Variants in BNC2 observed in about 807,000 individuals in gnomAD.
The protein encoded by BNC2 is zinc finger protein basonuclin-2.
A neutral mutation model predicts 76.3 loss-of-function variants in BNC2; 20 were observed. The observed-to-expected ratio is 0.26, with a 90% CI of 0.18 to 0.38. The LOEUF is 0.38. Ranked by LOEUF, BNC2 falls within the 10% of genes least tolerant of loss-of-function variation. The probability of loss-of-function intolerance (pLI) is 1.00; values close to 1 mark genes in which losing one functional copy is unlikely to be tolerated. For synonymous variants in BNC2, 582 were observed against 514.8 expected (o/e 1.13, Z -1.77); for missense variants, 1,382 against 1,399.8 (o/e 0.99, Z 0.20).
intron 5 of BNC2, among the ~76,000 whole-genome samples, chr9:16,546,906 A>T (rs1818500593): frequency 1.3e-5 from 2 of 152,228 alleles, no homozygotes; most frequent in Admixed American, 1.3e-4. Flanking sequence ...TCAAACTTCA[A>T]AACATCCTCC....
intron 3 of BNC2, among the ~76,000 whole-genome samples, chr9:16,655,650 C>G (rs1821909806): frequency 6.6e-6 from 1 of 152,182 alleles, no homozygotes; most frequent in Non-Finnish European, 1.5e-5. Context: ...TGAAATAATT[C>G]TAACAAAAGA....
intron 3 of BNC2, among the ~76,000 whole-genome samples, chr9:16,612,076 A>T (rs1374001345): frequency 6.6e-6 from 1 of 151,402 alleles, no homozygotes; most frequent in Non-Finnish European, 1.5e-5. Context: ...ACTAGAAAAC[A>T]GAAGCAAAAA....
At position 16,548,405 on chromosome 9, in the gene BNC2, G is replaced by GT. The variant is rs201084701; in HGVS notation, c.669+4124dup. Reference sequence around the variant, plus strand: ...AGAATTCTTCTTCTTCTTCTTCTTCGTTTTTTTTTTTTTCTTTCGAGATGG... The same window carrying GT: ...AGAATTCTTCTTCTTCTTCTTCTTCGTTTTTTTTTTTTTTCTTTCGAGATGG... On this transcript the variant is annotated intron_variant, in intron 5 of 6. Transcript: ENST00000380672. Among the ~76,000 whole-genome samples the GT allele has an allele frequency of 2.7e-3, 389 of 143,672 alleles. 2 individuals are homozygous for GT. The highest frequency in any genetic ancestry group is 4.5e-3 in the East Asian group (22 of 4,858). 94.3% of individuals were successfully genotyped at this position (143,672 alleles called of 152,430 possible).
chr9:16,664,305 C>G (rs1190054737), intron 3 of BNC2, among the ~76,000 whole-genome samples: 1 of 152,166 alleles, frequency 6.6e-6, no homozygotes. Context: ...TTTTGTTGCT[C>G]AGAGGCATGC....
intron 5 of BNC2, among the ~76,000 whole-genome samples, chr9:16,473,854 C>T (rs575422908): frequency 6.6e-6 from 1 of 152,082 alleles, no homozygotes; most frequent in Non-Finnish European, 1.5e-5. Flanking sequence ...GCCTGGGCAA[C>T]ACAGCGAGAC....
intron 1 of BNC2, among the ~76,000 whole-genome samples, chr9:16,763,663 G>A (rs1473788890): frequency 6.6e-6 from 1 of 152,204 alleles, no homozygotes; most frequent in South Asian, 2.1e-4. Flanking sequence ...AAGGGGTCAA[G>A]AGGGAGAACC....
At chr9:16,566,558 T>C (rs1213138280) in intron 4 of BNC2, among the ~76,000 whole-genome samples, 1 of 152,132 alleles carries the variant, frequency 6.6e-6, no homozygotes, top group Non-Finnish European at 1.5e-5. Context: ...GAGATTACAA[T>C]GCACTTTTAG....
intron 5 of BNC2, among the ~76,000 whole-genome samples, chr9:16,501,561 C>T (rs1352204825): frequency 6.6e-6 from 1 of 152,164 alleles, no homozygotes; most frequent in Admixed American, 6.5e-5. Context: ...TTGAGTAGCT[C>T]TTGCAGAGCC....
chr9:16,453,361 A>G (rs887208156), intron 5 of BNC2, among the ~76,000 whole-genome samples: 2 of 152,030 alleles, frequency 1.3e-5, no homozygotes, highest in African/African-American at 4.8e-5. Context: ...CACAGAAGGC[A>G]CTCCTGCCTG....
chr9:16,630,540 C>A (rs896411594), intron 3 of BNC2, among the ~76,000 whole-genome samples: 1 of 151,946 alleles, frequency 6.6e-6, no homozygotes, highest in Non-Finnish European at 1.5e-5. Context: ...GAACTATTGG[C>A]GATGCTTTTA....
chr9:16,675,556 C>T (rs1277521702), intron 3 of BNC2, among the ~76,000 whole-genome samples: 1 of 152,116 alleles, frequency 6.6e-6, no homozygotes, highest in Non-Finnish European at 1.5e-5. Context: ...AGCCACTGTG[C>T]CTGGCCTAAT....
intron 1 of BNC2, among the ~76,000 whole-genome samples, chr9:16,811,901 C>T (rs984264106): frequency 6.6e-6 from 1 of 152,190 alleles, no homozygotes; most frequent in Non-Finnish European, 1.5e-5. Flanking sequence ...AAACAGAAAT[C>T]TACCTTGACC....
rs531055759 is a variant in BNC2 at position 16,413,879 on chromosome 9, G to C, written c.*5110C>G. On this transcript the variant is annotated 3_prime_UTR_variant, in exon 7 of 7. Transcript: ENST00000380672. ...TATTAATTACAATCATGGCTTTGTT[G>C]TGTTGCTACAGTGGCAAGCATGAGT... 2.0e-5 allele frequency: 3 copies of C among 152,228 alleles called. No individual in the cohort carries two copies. In the East Asian group the frequency reaches 5.8e-4, roughly 29 times the overall value. 9.4% of individuals were successfully genotyped at this position (152,228 alleles called of 1,614,324 possible). A position where few individuals can be genotyped will look rare whatever the true frequency, so the allele number is the denominator to read the frequency against.
chr9:16,639,213 A>C (rs1821416426), intron 3 of BNC2, among the ~76,000 whole-genome samples: 1 of 152,186 alleles, frequency 6.6e-6, no homozygotes, highest in Non-Finnish European at 1.5e-5. Flanking sequence ...TTTTATCAAA[A>C]CCAAATTTTA....
intron 3 of BNC2, among the ~76,000 whole-genome samples, chr9:16,593,704 T>A (rs889357546): frequency 6.6e-6 from 1 of 152,286 alleles, no homozygotes; most frequent in South Asian, 2.1e-4. Flanking sequence ...ATTGCCTGTA[T>A]ACTTACAAAT....
At chr9:16,524,600 T>C (rs1817734740) in intron 5 of BNC2, among the ~76,000 whole-genome samples, 1 of 152,226 alleles carries the variant, frequency 6.6e-6, no homozygotes, top group African/African-American at 2.4e-5. Flanking sequence ...CTGATGTTCC[T>C]ATGTATAATA....
At chr9:16,677,206 C>G (rs541652107) in intron 3 of BNC2, among the ~76,000 whole-genome samples, 1 of 152,192 alleles carries the variant, frequency 6.6e-6, no homozygotes, top group South Asian at 2.1e-4. Context: ...TCAATCTGTC[C>G]GACAGTGTCA....
intron 6 of BNC2, among the ~76,000 whole-genome samples, chr9:16,430,908 T>C (rs1008173416): frequency 2.0e-5 from 3 of 152,238 alleles, no homozygotes; most frequent in African/African-American, 7.2e-5. Context: ...CATATTTATT[T>C]ATAAATCACC....
chr9:16,428,810 T>C (rs755581806), intron 6 of BNC2, among the ~76,000 whole-genome samples: 19 of 152,222 alleles, frequency 1.2e-4, no homozygotes, highest in Non-Finnish European at 2.4e-4. Context: ...ACTAACACTT[T>C]AGGTGTAACA....
Sources: allele counts gnomAD v4.1 joint callset (sites outside exome capture counted in the v4.1 genomes callset), GRCh38; gene constraint gnomAD v4.1.1; transcripts MANE v1.5; gene names NCBI Gene and HGNC (gene_info 2026-07-23, HGNC 2026-07-21).